Variants in REDIC1 observed in about 807,000 individuals in gnomAD.
The protein encoded by REDIC1 is regulator of DNA class I crossover intermediates 1, also known as HEI10 Interacting Protein 1.
the REDIC1 span, among the ~76,000 whole-genome samples, chr12:39,737,653 C>A: frequency 6.6e-6 from 1 of 152,112 alleles, no homozygotes; most frequent in Non-Finnish European, 1.5e-5. Flanking sequence ...GTGATTTTCC[C>A]AAGTTAGTAC....
At chr12:39,783,455 C>T in the REDIC1 span, among the ~76,000 whole-genome samples, 1 of 152,170 alleles carries the variant, frequency 6.6e-6, no homozygotes, top group South Asian at 2.1e-4. Context: ...CACTGTCTTC[C>T]ACAATGGTTG....
the REDIC1 span, among the ~76,000 whole-genome samples, chr12:39,895,549 TATACAC>T: frequency 8.7e-4 from 63 of 72,544 alleles, 2 homozygotes; most frequent in Non-Finnish European, 1.4e-3. Flanking sequence ...TATATATATA[TATACAC>T]ACACACACAC....
At chr12:39,756,455 G>A in the REDIC1 span, 8 of 151,580 alleles carry the variant, frequency 5.3e-5, no homozygotes, top group African/African-American at 7.2e-5. Flanking sequence ...ATAACAAAAC[G>A]TCTCATTAAT....
the REDIC1 span, among the ~76,000 whole-genome samples, chr12:39,766,086 T>C: frequency 2.8e-4 from 42 of 152,254 alleles, no homozygotes; most frequent in African/African-American, 9.9e-4. Flanking sequence ...ACTATTTTAC[T>C]TCAGACTTTG....
chr12:39,721,057 G>T, the REDIC1 span: 1 of 1,613,810 alleles, frequency 6.2e-7, no homozygotes, highest in East Asian at 2.2e-5. Flanking sequence ...CGTTCTGCAG[G>T]CTGCAAGGTG....
At chr12:39,888,885 T>C in the REDIC1 span, among the ~76,000 whole-genome samples, 1 of 152,196 alleles carries the variant, frequency 6.6e-6, no homozygotes, top group African/African-American at 2.4e-5. Flanking sequence ...CTGTTTATAT[T>C]TCAATAAAAA....
At chr12:39,717,346 A>G in the REDIC1 span, among the ~76,000 whole-genome samples, 1 of 151,986 alleles carries the variant, frequency 6.6e-6, no homozygotes, top group Non-Finnish European at 1.5e-5. Context: ...TGTATGTTGT[A>G]TATATTATAT....
the REDIC1 span, among the ~76,000 whole-genome samples, chr12:39,826,794 T>A: frequency 5.9e-4 from 89 of 149,782 alleles, no homozygotes; most frequent in African/African-American, 2.1e-3. Flanking sequence ...CATAAGTATA[T>A]AACTTTCAGT....
the REDIC1 span, among the ~76,000 whole-genome samples, chr12:39,795,820 G>A: frequency 6.6e-6 from 1 of 152,104 alleles, no homozygotes; most frequent in Non-Finnish European, 1.5e-5. Flanking sequence ...GGCTGAGGGA[G>A]GAAACTTCCT....
the REDIC1 span, among the ~76,000 whole-genome samples, chr12:39,860,402 G>A: frequency 6.6e-6 from 1 of 152,202 alleles, no homozygotes; most frequent in African/African-American, 2.4e-5. Context: ...AAGGTAGCTA[G>A]AGTCTTGATA....
At chr12:39,842,395 AT>A in the REDIC1 span, among the ~76,000 whole-genome samples, 1 of 152,002 alleles carries the variant, frequency 6.6e-6, no homozygotes, top group Non-Finnish European at 1.5e-5. Context: ...CAAATCAGAT[AT>A]TTTTTCTACT....
the REDIC1 span, among the ~76,000 whole-genome samples, chr12:39,870,903 G>A: frequency 6.6e-6 from 1 of 152,154 alleles, no homozygotes; most frequent in African/African-American, 2.4e-5. Flanking sequence ...TGGGATGAGT[G>A]ACTGAAACAG....
chr12:39,657,156 A>C, the REDIC1 span, among the ~76,000 whole-genome samples: 1 of 152,194 alleles, frequency 6.6e-6, no homozygotes, highest in African/African-American at 2.4e-5. Flanking sequence ...TGTCCTTTGC[A>C]GATGTGCCTT....
chr12:39,775,129 A>AGAT, the REDIC1 span, among the ~76,000 whole-genome samples: 1 of 152,230 alleles, frequency 6.6e-6, no homozygotes, highest in South Asian at 2.1e-4. Context: ...ATTTATCACA[A>AGAT]GATTAACATA....
chr12:39,701,584 C>A, the REDIC1 span, among the ~76,000 whole-genome samples: 1 of 152,086 alleles, frequency 6.6e-6, no homozygotes, highest in African/African-American at 2.4e-5. Flanking sequence ...CTGCACCAAG[C>A]AGACCTAATA....
chr12:39,750,077 GC>G, the REDIC1 span, among the ~76,000 whole-genome samples: 1 of 152,316 alleles, frequency 6.6e-6, no homozygotes, highest in Admixed American at 6.5e-5. Context: ...GGGCAATCAG[GC>G]AGGAGAAAGA....
At chr12:39,849,728 T>TGTGTA in the REDIC1 span, among the ~76,000 whole-genome samples, 20 of 152,212 alleles carry the variant, frequency 1.3e-4, no homozygotes, top group African/African-American at 4.3e-4. Flanking sequence ...GTTTCATTTA[T>TGTGTA]GTGTAGATTT....
chr12:39,673,138 C>T, the REDIC1 span, among the ~76,000 whole-genome samples: 5 of 152,082 alleles, frequency 3.3e-5, no homozygotes, highest in African/African-American at 7.2e-5. Context: ...TCTGCCTAGC[C>T]TCCCTCTCCT....
chr12:39,886,792 C>T, the REDIC1 span, among the ~76,000 whole-genome samples: 3 of 152,114 alleles, frequency 2.0e-5, no homozygotes, highest in African/African-American at 4.8e-5. Context: ...TGAGTATTTT[C>T]TATGAATCTA....
Sources: allele counts gnomAD v4.1 joint callset (sites outside exome capture counted in the v4.1 genomes callset), GRCh38; gene constraint gnomAD v4.1.1; transcripts MANE v1.5; gene names NCBI Gene and HGNC (gene_info 2026-07-23, HGNC 2026-07-21).